The following TENM4 variants were observed in gnomAD, a reference collection of about 807,000 sequenced individuals.
The protein encoded by TENM4 is teneurin transmembrane protein 4.
Under a neutral mutation model 243.3 loss-of-function variants are expected in TENM4, and 82 were observed. That is an observed-to-expected ratio of 0.34 (90% CI 0.28 to 0.40). TENM4 has a LOEUF of 0.40. TENM4 is among the 10% of genes least tolerant of loss of function. The pLI is 1.00. For synonymous variants in TENM4, 1,412 were observed against 1,456.3 expected (o/e 0.97, Z 0.69); for missense variants, 3,138 against 3,673.3 (o/e 0.85, Z 3.77).
At chr11:78,716,000 C>A (rs1051595572) in intron 25 of TENM4, among the ~76,000 whole-genome samples, 2 of 152,200 alleles carry the variant, frequency 1.3e-5, no homozygotes, top group Admixed American at 6.5e-5. Flanking sequence ...CCAGACACTG[C>A]GCTAGCACTT....
chr11:79,257,913 C>T (rs1227451320), intron 2 of TENM4, among the ~76,000 whole-genome samples: 2 of 152,174 alleles, frequency 1.3e-5, no homozygotes, highest in African/African-American at 4.8e-5. Flanking sequence ...AGACTTGTCA[C>T]GTGAGAATCC....
intron 6 of TENM4, among the ~76,000 whole-genome samples, chr11:79,018,868 T>C (rs1858847897): frequency 6.6e-6 from 1 of 152,180 alleles, no homozygotes; most frequent in Non-Finnish European, 1.5e-5. Flanking sequence ...ATTTTAGAGA[T>C]GAGCTAGTAC....
intron 6 of TENM4, among the ~76,000 whole-genome samples, chr11:78,977,168 C>A (rs994244653): frequency 1.3e-5 from 2 of 152,202 alleles, no homozygotes; most frequent in Non-Finnish European, 2.9e-5. Flanking sequence ...CCAGTTTCTG[C>A]CTTTATCATC....
chr11:78,907,298 G>T (rs1005788938), intron 6 of TENM4, among the ~76,000 whole-genome samples: 1 of 150,498 alleles, frequency 6.6e-6, no homozygotes, highest in Non-Finnish European at 1.5e-5. Context: ...GAGGTGAGAG[G>T]CTACAGAGGA....
chr11:78,945,896 A>G (rs1419530902), intron 6 of TENM4, among the ~76,000 whole-genome samples: 2 of 152,214 alleles, frequency 1.3e-5, no homozygotes, highest in African/African-American at 2.4e-5. Flanking sequence ...GAGAGAGACA[A>G]GGAAGCTGTC....
chr11:79,239,375 A>T (rs1464750719), intron 2 of TENM4, among the ~76,000 whole-genome samples: 2 of 152,234 alleles, frequency 1.3e-5, no homozygotes, highest in East Asian at 3.8e-4. Flanking sequence ...TCTGAGTCAG[A>T]CACTTCCAAA....
chr11:79,274,389 G>A (rs1856018602), intron 2 of TENM4, among the ~76,000 whole-genome samples: 1 of 152,228 alleles, frequency 6.6e-6, no homozygotes, highest in African/African-American at 2.4e-5. Flanking sequence ...TCCTTACAAA[G>A]TTCAGTGTCT....
chr11:78,903,466 G>C lies in TENM4; in HGVS notation c.551C>G (p.Ser184Trp), dbSNP rs954719188. 6.5e-7 allele frequency: 1 copy of C among 1,548,782 alleles called. No homozygotes were observed. The highest frequency in any genetic ancestry group is 1.2e-5 in the South Asian group (1 of 83,918). The part of the protein sequence containing the change: ...ARLRTPPPPL[S>W]HAHTPNQHHA... ...GTGCTGGTTGGGGGTGTGGGCGTGC[G>C]AGAGCGGCGGCGGCGGCGTCCGGAG... Residue 184 changes from serine (S) to tryptophan (W), a missense_variant, in exon 7 of 34, where the codon TCG (serine) becomes TGG (tryptophan). This residue lies in a region of TENM4 where 671 missense variants were observed against 614.1 expected (regional missense o/e 1.09). Coordinates refer to ENST00000278550, the MANE Select transcript of TENM4 (RefSeq NM_001098816.3).
At chr11:79,202,347 A>G (rs1421288745) in intron 3 of TENM4, among the ~76,000 whole-genome samples, 1 of 152,182 alleles carries the variant, frequency 6.6e-6, no homozygotes, top group Non-Finnish European at 1.5e-5. Context: ...TCCAAAATGA[A>G]CAACAGTAGC....
chr11:79,401,268 G>T (rs1858455847), intron 1 of TENM4, among the ~76,000 whole-genome samples: 1 of 152,154 alleles, frequency 6.6e-6, no homozygotes, highest in African/African-American at 2.4e-5. Flanking sequence ...CTGGAAATGA[G>T]AGATGAATAA....
intron 4 of TENM4, among the ~76,000 whole-genome samples, chr11:79,087,615 C>T (rs551780963): frequency 6.6e-6 from 1 of 152,332 alleles, no homozygotes; most frequent in African/African-American, 2.4e-5. Context: ...TGGGCCCAGT[C>T]GCATGTTCCT....
chr11:78,791,148 C>CT (rs1375717210), intron 15 of TENM4, among the ~76,000 whole-genome samples: 1 of 152,164 alleles, frequency 6.6e-6, no homozygotes, highest in Admixed American at 6.5e-5. Context: ...GCCCATCTGA[C>CT]TGAGTGAAGA....
chr11:79,027,166 T>G (rs1021394502), intron 6 of TENM4, among the ~76,000 whole-genome samples: 4 of 152,174 alleles, frequency 2.6e-5, no homozygotes, highest in Non-Finnish European at 4.4e-5. Context: ...CTGTAAAATT[T>G]AGGGGAAGAG....
chr11:79,189,861 G>A (rs909531366), intron 3 of TENM4, among the ~76,000 whole-genome samples: 2 of 152,220 alleles, frequency 1.3e-5, no homozygotes, highest in Non-Finnish European at 2.9e-5. Flanking sequence ...CGCAGCCTCC[G>A]TTGATGGCCC....
intron 6 of TENM4, among the ~76,000 whole-genome samples, chr11:79,011,745 T>C (rs1408888266): frequency 1.3e-5 from 2 of 152,202 alleles, no homozygotes; most frequent in Non-Finnish European, 2.9e-5. Flanking sequence ...TGGCCTGAAA[T>C]AATGTAATTT....
chr11:79,426,299 C>T (rs756882902), intron 1 of TENM4, among the ~76,000 whole-genome samples: 6 of 152,174 alleles, frequency 3.9e-5, no homozygotes, highest in Non-Finnish European at 7.3e-5. Context: ...AACTTACAAC[C>T]AGCACCTCCT....
intron 3 of TENM4, among the ~76,000 whole-genome samples, chr11:79,196,224 A>G (rs1863623937): frequency 6.6e-6 from 1 of 152,044 alleles, no homozygotes; most frequent in Non-Finnish European, 1.5e-5. Flanking sequence ...GCAAGAGGGC[A>G]TCTCGCAAGC....
At chr11:78,938,661 T>C (rs975446609) in intron 6 of TENM4, among the ~76,000 whole-genome samples, 7 of 152,192 alleles carry the variant, frequency 4.6e-5, no homozygotes, top group Non-Finnish European at 1.0e-4. Context: ...AACAAGTGCC[T>C]ACATTATTCT....
intron 26 of TENM4, 136 bp from the exon 27 acceptor site, chr11:78,708,651 C>G: frequency 9.5e-7 from 1 of 1,048,466 alleles, no homozygotes; most frequent in Non-Finnish European, 1.4e-6. Flanking sequence ...TCATTCCTCT[C>G]TCAAAGAGGA....
Sources: gnomAD v4.1 joint callset for allele counts (sites outside exome capture counted in the v4.1 genomes callset) on GRCh38, gnomAD v4.1.1 for gene constraint, gnomAD v4.1.1 regional missense constraint, MANE v1.5 for transcripts, NCBI Gene and HGNC (gene_info 2026-07-23, HGNC 2026-07-21) for gene names.